Variants in RBPMS observed in about 807,000 individuals in gnomAD.
RBPMS encodes the protein RNA binding protein, mRNA processing factor, also known as RNA-binding protein with multiple splicing.
RBPMS carries 7 observed loss-of-function variants against 26.8 expected under a neutral mutation model. The ratio of observed to expected loss-of-function variants is 0.26; its 90% CI spans 0.15 to 0.49. RBPMS has a LOEUF of 0.49. RBPMS is among the 20% of genes least tolerant of loss of function. The pLI, the probability that RBPMS is intolerant of heterozygous loss-of-function variation, is 0.98. For synonymous variants in RBPMS, 96 were observed against 93.3 expected (o/e 1.03, Z -0.17); for missense variants, 186 against 250.0 (o/e 0.74, Z 1.73).
intron 5 of RBPMS, among the ~76,000 whole-genome samples, chr8:30,505,293 G>A (rs908049704): frequency 6.6e-6 from 1 of 152,136 alleles, no homozygotes; most frequent in Admixed American, 6.5e-5. Context: ...GTTGTTTTTG[G>A]TCTGCTTTCT....
intron 1 of RBPMS, among the ~76,000 whole-genome samples, chr8:30,434,501 C>T (rs574321334): frequency 2.6e-4 from 39 of 152,020 alleles, no homozygotes; most frequent in African/African-American, 9.2e-4. Flanking sequence ...GTCAGAAGTT[C>T]GAGACCAGCC....
chr8:30,418,973 C>T (rs1810414037), intron 1 of RBPMS, among the ~76,000 whole-genome samples: 2 of 151,462 alleles, frequency 1.3e-5, no homozygotes, highest in Non-Finnish European at 2.9e-5. Flanking sequence ...GAAATATTTT[C>T]CCTAGTCTTT....
intron 4 of RBPMS, among the ~76,000 whole-genome samples, chr8:30,496,933 T>C (rs1585662878): frequency 6.6e-6 from 1 of 152,294 alleles, no homozygotes; most frequent in African/African-American, 2.4e-5. Context: ...GACTATACCT[T>C]GCCTAGTTTC....
intron 5 of RBPMS, among the ~76,000 whole-genome samples, chr8:30,533,530 T>C (rs919193814): frequency 1.3e-5 from 2 of 152,188 alleles, no homozygotes; most frequent in African/African-American, 4.8e-5. Context: ...CCTGTAGGTT[T>C]TTCTTGTTTC....
intron 1 of RBPMS, among the ~76,000 whole-genome samples, chr8:30,416,327 C>CTTTGT (rs1433286858): frequency 3.2e-4 from 49 of 151,976 alleles, no homozygotes; most frequent in African/African-American, 1.1e-3. Flanking sequence ...TGTTGTTGTC[C>CTTTGT]TTTGTTTTGT....
chr8:30,439,919 C>T (rs1445808516), intron 1 of RBPMS, among the ~76,000 whole-genome samples: 1 of 152,138 alleles, frequency 6.6e-6, no homozygotes, highest in African/African-American at 2.4e-5. Context: ...GTGGCTTACG[C>T]CTGTAATCCC....
chr8:30,520,329 G>GT (rs1387577520), intron 5 of RBPMS, among the ~76,000 whole-genome samples: 1 of 152,148 alleles, frequency 6.6e-6, no homozygotes, highest in Non-Finnish European at 1.5e-5. Context: ...TCACTGTTTT[G>GT]TGGGGGGTTG....
intron 4 of RBPMS, among the ~76,000 whole-genome samples, chr8:30,493,510 C>T (rs1399618866): frequency 6.6e-6 from 1 of 151,844 alleles, no homozygotes; most frequent in Non-Finnish European, 1.5e-5. Context: ...AGCAGTTGAC[C>T]TGCTGCTTTA....
intron 7 of RBPMS, among the ~76,000 whole-genome samples, 200 bp downstream of exon 7, chr8:30,559,156 A>C (rs1292019836): frequency 6.6e-6 from 1 of 152,200 alleles, no homozygotes; most frequent in African/African-American, 2.4e-5. Flanking sequence ...TACGGGTGCT[A>C]GTCTATTTGA....
intron 1 of RBPMS, among the ~76,000 whole-genome samples, chr8:30,458,818 C>T (rs770881961): frequency 1.3e-5 from 2 of 152,144 alleles, no homozygotes; most frequent in African/African-American, 2.4e-5. Context: ...CTCAGTTGAT[C>T]CTCCTGCCTC....
chr8:30,384,924 G>A lies in RBPMS; in HGVS notation c.-169G>A. ...TCGCAGACTCGCCGCGGGAGCCCCA[G>A]CCCAACCCGAGCCCGACAGCCACTG... On this transcript the variant is annotated 5_prime_UTR_variant, in exon 1 of 9. Coordinates refer to ENST00000397323, the MANE Select transcript of RBPMS (RefSeq NM_001008710.3). The surrounding 1 kb of genome is among the most constrained non-coding windows in gnomAD (Gnocchi z 5.6). 4.9e-6 allele frequency: 2 copies of A among 406,236 alleles called. No homozygotes were observed. Among genetic ancestry groups the A allele is most frequent in the East Asian group, 4.2e-5 (1 of 23,640 alleles). The allele number at this position is 406,236 out of a possible 1,614,324, so 25.2% of individuals were successfully genotyped here.
At chr8:30,540,509 A>G (rs547543767) in intron 5 of RBPMS, among the ~76,000 whole-genome samples, 1 of 152,286 alleles carries the variant, frequency 6.6e-6, no homozygotes, top group East Asian at 1.9e-4. Flanking sequence ...TGCAACCTCA[A>G]ATAAGTCCTA....
At chr8:30,497,874 G>A (rs1199125808) in intron 4 of RBPMS, among the ~76,000 whole-genome samples, 3 of 151,568 alleles carry the variant, frequency 2.0e-5, no homozygotes, top group Non-Finnish European at 2.9e-5. Flanking sequence ...TGCCCGCCTC[G>A]GCCTCCCAAA....
intron 1 of RBPMS, among the ~76,000 whole-genome samples, chr8:30,390,279 G>T (rs1441764484): frequency 6.6e-6 from 1 of 152,190 alleles, no homozygotes; most frequent in African/African-American, 2.4e-5. Flanking sequence ...CACAAGCCTA[G>T]CGGTGAGAAT....
intron 5 of RBPMS, among the ~76,000 whole-genome samples, chr8:30,515,796 C>G (rs1445133370): frequency 1.3e-5 from 2 of 152,114 alleles, no homozygotes; most frequent in Non-Finnish European, 2.9e-5. Context: ...GCTGGTACTA[C>G]AGGCACGCAC....
chr8:30,449,556 A>G (rs1444188191), intron 1 of RBPMS, among the ~76,000 whole-genome samples: 1 of 152,094 alleles, frequency 6.6e-6, no homozygotes, highest in Non-Finnish European at 1.5e-5. Flanking sequence ...TTTTTCATAG[A>G]TACAGGCTTT....
intron 8 of RBPMS, among the ~76,000 whole-genome samples, chr8:30,567,728 G>A (rs2151097425): frequency 6.6e-6 from 1 of 152,362 alleles, no homozygotes; most frequent in African/African-American, 2.4e-5. Context: ...AGTGGCAGGA[G>A]ACAGAAAAGA....
chr8:30,551,990 G>A (rs1358566613), intron 6 of RBPMS, among the ~76,000 whole-genome samples: 3 of 152,144 alleles, frequency 2.0e-5, no homozygotes, highest in Admixed American at 6.5e-5. Context: ...GTCAGGATTC[G>A]ATCTGGTGTG....
intron 1 of RBPMS, among the ~76,000 whole-genome samples, chr8:30,425,463 T>C (rs1362376045): frequency 6.6e-6 from 1 of 152,148 alleles, no homozygotes; most frequent in African/African-American, 2.4e-5. Flanking sequence ...TGCAATGGCC[T>C]GATCTTGACT....
Sources: allele counts gnomAD v4.1 joint callset (sites outside exome capture counted in the v4.1 genomes callset), GRCh38; gene constraint gnomAD v4.1.1; non-coding constraint Gnocchi (gnomAD v3.1); transcripts MANE v1.5; gene names NCBI Gene and HGNC (gene_info 2026-07-23, HGNC 2026-07-21).